Variants in NDRG1 observed in about 807,000 individuals in gnomAD.
NDRG1 encodes N-myc downstream regulated 1.
In NDRG1, 32 loss-of-function variants were observed where a neutral mutation model predicts 56.9. That is an observed-to-expected ratio of 0.56 (90% CI 0.42 to 0.76). NDRG1 has a LOEUF of 0.76. Ranked by LOEUF, NDRG1 falls within the 30% of genes least tolerant of loss-of-function variation. NDRG1 has a pLI of 0.00. For missense variants in NDRG1, 507 were observed against 545.7 expected, an observed-to-expected ratio of 0.93 and a Z score of 0.71; for synonymous variants, 211 against 204.1, an observed-to-expected ratio of 1.03 and a Z score of -0.29.
At chr8:133,291,148 C>T (rs1320424442) in intron 1 of NDRG1, among the ~76,000 whole-genome samples, 1 of 152,138 alleles carries the variant, frequency 6.6e-6, no homozygotes, top group African/African-American at 2.4e-5. Flanking sequence ...AGGGTAGCAT[C>T]GATTGTCACC....
At chr8:133,293,287 T>C (rs1476959486) in intron 1 of NDRG1, among the ~76,000 whole-genome samples, 1 of 152,204 alleles carries the variant, frequency 6.6e-6, no homozygotes, top group Non-Finnish European at 1.5e-5. Context: ...CACGCGGTAC[T>C]TCCATCACAC....
intron 1 of NDRG1, among the ~76,000 whole-genome samples, chr8:133,295,528 T>TAA (rs982497816): frequency 5.3e-5 from 8 of 152,244 alleles, no homozygotes; most frequent in Non-Finnish European, 8.8e-5. Flanking sequence ...TCCAGCCGTG[T>TAA]GTCTTCCCCA....
At chr8:133,292,736 C>G (rs1858497394) in intron 1 of NDRG1, among the ~76,000 whole-genome samples, 1 of 152,104 alleles carries the variant, frequency 6.6e-6, no homozygotes, top group Admixed American at 6.5e-5. Context: ...GGGCCCCCAC[C>G]CACCTCTCTT....
chr8:133,256,824 T>C lies in NDRG1; in HGVS notation c.490A>G (p.Asn164Asp). The C allele has an allele frequency of 6.2e-7, 1 of 1,614,204 alleles. No individual in the cohort carries two copies. The highest frequency in any genetic ancestry group is 8.5e-7 in the Non-Finnish European group (1 of 1,180,042). The change falls in exon 8 of 16, where the codon AAC becomes GAC. Residue 164 changes from asparagine to aspartate, a missense_variant. Physicochemically the swap from Asn to Asp is conservative, Grantham distance 23 (BLOSUM62 1). Coordinates refer to ENST00000323851, the MANE Select transcript of NDRG1 (RefSeq NM_006096.4). ...PEMVEGLVLI[N>D]VNPCAEGWMD... ...CAGCCTTCCGCACAAGGGTTCACGT[T>C]GATAAGGACAAGGCCCTCCACCATC... is the stretch of plus-strand genomic sequence containing the variant.
intron 8 of NDRG1, chr8:133,254,827 C>A (rs562222490): frequency 1.4e-5 from 8 of 570,508 alleles, no homozygotes; most frequent in Non-Finnish European, 2.2e-5. Context: ...TTTTCAGAGG[C>A]CCATGCACAA....
chr8:133,290,827 T>C lies in NDRG1; in HGVS notation c.-19+6307A>G, dbSNP rs563479208. ...ATAGTACCTTCCTAAGACGGCCAAC[T>C]CAATGCTTTGGAAAAGCATTCACTC... On this transcript the variant is annotated intron_variant, in intron 1 of 15. Coordinates refer to ENST00000323851, the MANE Select transcript of NDRG1 (RefSeq NM_006096.4). Among the ~76,000 whole-genome samples the C allele has an allele frequency of 1.2e-4, 18 of 152,310 alleles. No individual in the cohort carries two copies. The South Asian group carries it at 1.9e-3, about 16-fold the overall frequency.
chr8:133,258,461 GAC>G, intron 6 of NDRG1, 35 bp from the exon 7 acceptor site: 1 of 1,590,144 alleles, frequency 6.3e-7, no homozygotes, highest in East Asian at 2.2e-5. Flanking sequence ...GTCACACAAG[GAC>G]AGAGTGACGG....
chr8:133,259,004 T>G lies in NDRG1; in HGVS notation c.389+164A>C. The G allele has an allele frequency of 5.3e-6, 4 of 757,860 alleles. No individual in the cohort carries two copies. In the South Asian group the frequency reaches 5.6e-5, roughly 11 times the overall value. The allele number at this position is 757,860 out of a possible 1,614,324, so 46.9% of individuals were successfully genotyped here. Reference sequence around the variant, plus strand: ...AGGAGACAGACTAGAGCTCAGAGACTGTGTGAAGAACAGTGTTCACAGAGT... The same window carrying G: ...AGGAGACAGACTAGAGCTCAGAGACGGTGTGAAGAACAGTGTTCACAGAGT... On this transcript the variant is annotated intron_variant, in intron 6 of 15. Coordinates refer to ENST00000323851, the MANE Select transcript of NDRG1 (RefSeq NM_006096.4).
intron 2 of NDRG1, among the ~76,000 whole-genome samples, chr8:133,283,413 T>A (rs766615587): frequency 2.6e-5 from 4 of 152,268 alleles, no homozygotes; most frequent in Non-Finnish European, 5.9e-5. Flanking sequence ...GATGTAAACA[T>A]GCTTTGAAGC....
At chr8:133,285,696 C>T (rs1858072337) in intron 1 of NDRG1, among the ~76,000 whole-genome samples, 1 of 152,176 alleles carries the variant, frequency 6.6e-6, no homozygotes, top group African/African-American at 2.4e-5. Context: ...GGTCTGGGGC[C>T]CCAGCATGAT....
chr8:133,291,796 G>C (rs1858442733), intron 1 of NDRG1, among the ~76,000 whole-genome samples: 1 of 152,196 alleles, frequency 6.6e-6, no homozygotes, highest in African/African-American at 2.4e-5. Context: ...GGATCACTAA[G>C]AAGGTGAACC....
intron 12 of NDRG1, among the ~76,000 whole-genome samples, chr8:133,247,013 G>A (rs745567643): frequency 6.6e-6 from 1 of 152,206 alleles, no homozygotes; most frequent in Admixed American, 6.5e-5. Context: ...ACCAGCAGCT[G>A]CCAGAGATTC....
chr8:133,279,152 A>G (rs984504123), intron 3 of NDRG1, among the ~76,000 whole-genome samples: 9 of 152,130 alleles, frequency 5.9e-5, no homozygotes, highest in African/African-American at 1.9e-4. Flanking sequence ...GGCCTTCCAA[A>G]GTGCTAGGAT....
intron 1 of NDRG1, among the ~76,000 whole-genome samples, chr8:133,290,266 G>A (rs1858357900): frequency 6.6e-6 from 1 of 152,100 alleles, no homozygotes. Context: ...GAAGTTCCAG[G>A]TTCCGCCCAC....
In NDRG1 at chr8:133,290,304, A is replaced by G. The variant is rs899491672; in HGVS notation, c.-18-5975T>C. Among the ~76,000 whole-genome samples the G allele has an allele frequency of 2.0e-5, 3 of 152,192 alleles. No homozygotes were observed. The South Asian group carries it at 6.2e-4, about 31-fold the overall frequency. On this transcript the variant is annotated intron_variant, in intron 1 of 15. Transcript: ENST00000323851. Reference sequence around the variant, plus strand: ...GGAAGAGCAGCCACAGGAAGGCAACAATGTAACCCTACACAGACACACCAC... The same window carrying G: ...GGAAGAGCAGCCACAGGAAGGCAACGATGTAACCCTACACAGACACACCAC...
At chr8:133,263,125 G>T (rs1856740293) in intron 4 of NDRG1, among the ~76,000 whole-genome samples, 1 of 152,180 alleles carries the variant, frequency 6.6e-6, no homozygotes, top group Non-Finnish European at 1.5e-5. Flanking sequence ...TGCAATTCCA[G>T]TTCCTTGTCA....
rs117759181 is a variant in NDRG1 at position 133,272,851 on chromosome 8, G to T, written c.99+7381C>A. 4.9e-4 allele frequency among the ~76,000 whole-genome samples: 75 copies of T among 152,280 alleles called. 4 individuals are homozygous for T. In the East Asian group the frequency reaches 0.013, roughly 25 times the overall value. On this transcript the variant is annotated intron_variant, in intron 3 of 15. Transcript: ENST00000323851. ...ATTTCCAGGCTTCTGTCTGAGTTCT[G>T]CCCACCTTCAGTCATGGGGCATGAA...
chr8:133,279,305 A>T (rs540357447), intron 3 of NDRG1, among the ~76,000 whole-genome samples: 64 of 152,314 alleles, frequency 4.2e-4, no homozygotes, highest in South Asian at 1.0e-3. Context: ...TCTACTAGCC[A>T]ATGCTTCCAG....
intron 6 of NDRG1, 124 bp from the exon 7 acceptor site, chr8:133,258,550 T>C: frequency 1.1e-6 from 1 of 899,584 alleles, no homozygotes; most frequent in East Asian, 2.6e-5. Context: ...CTGCCGTAAC[T>C]GCCTGCACAG....
Sources: allele counts gnomAD v4.1 joint callset (sites outside exome capture counted in the v4.1 genomes callset), GRCh38; gene constraint gnomAD v4.1.1; transcripts MANE v1.5; gene names NCBI Gene and HGNC (gene_info 2026-07-23, HGNC 2026-07-21).